The following HHIP variants were observed in gnomAD, a reference collection of about 807,000 sequenced individuals.
HHIP encodes hedgehog interacting protein.
Under a neutral mutation model 74.0 loss-of-function variants are expected in HHIP, and 12 were observed. The observed-to-expected ratio is 0.16, with a 90% confidence interval of 0.10 to 0.26. The LOEUF is 0.26. Ranked by LOEUF, HHIP falls within the 10% of genes least tolerant of loss-of-function variation. HHIP has a pLI of 1.00. For missense variants in HHIP, 788 were observed against 845.0 expected, an observed-to-expected ratio of 0.93 and a Z score of 0.84; for synonymous variants, 309 against 311.6, an observed-to-expected ratio of 0.99 and a Z score of 0.09.
chr4:144,658,908 C>A lies in HHIP; in HGVS notation c.591C>A (p.Asp197Glu). 6.2e-7 allele frequency: 1 copy of A among 1,612,968 alleles called. No individual in the cohort carries two copies. The highest frequency in any genetic ancestry group is 8.5e-7 in the Non-Finnish European group (1 of 1,179,258). ...QVRGPASNYL[D>E]QMEEYDKVEE... ...GAGGACCAGCATCTAACTACTTGGA[C>A]CAGATGGAAGAATATGACAAAGTGG... is the stretch of plus-strand genomic sequence containing the variant. Residue 197 changes from aspartate to glutamate, a missense_variant, in exon 3 of 13, where the codon GAC becomes GAA. Coordinates refer to ENST00000296575, the MANE Select transcript of HHIP (RefSeq NM_022475.3).
intron 4 of HHIP, chr4:144,660,088 A>G (rs1297163254): frequency 3.7e-6 from 2 of 535,170 alleles, no homozygotes; most frequent in African/African-American, 1.9e-5. Flanking sequence ...TAATTGACAC[A>G]TTTAAAGGAA....
In HHIP at chr4:144,652,794, C is replaced by A. The variant is rs959817151; in HGVS notation, c.469C>A (p.Pro157Thr). The change falls in exon 2 of 13, where the codon CCA becomes ACA. Residue 157 changes from proline (P) to threonine (T), a missense_variant. This residue lies in a region of HHIP where 373 missense variants were observed against 366.4 expected (regional missense o/e 1.02). Coordinates refer to ENST00000296575, the MANE Select transcript of HHIP (RefSeq NM_022475.3). Reference protein sequence around the residue: ...EFFYTCRGHIPGFLQTTADEF... With the variant: ...EFFYTCRGHITGFLQTTADEF... ...CTTTTACACTTGCCGAGGCCATATTCCAGGTAAGAAAAAAAAATGCATAAG... is the reference window on the plus strand; with the variant it reads ...CTTTTACACTTGCCGAGGCCATATTACAGGTAAGAAAAAAAAATGCATAAG... 5 of 1,564,898 alleles carry A rather than the reference C, an allele frequency of 3.2e-6. No homozygotes were observed. Among genetic ancestry groups the A allele is most frequent in the Admixed American group, 4.1e-5 (2 of 49,036 alleles).
chr4:144,647,241 A>G, intron 1 of HHIP: 1 of 363,170 alleles, frequency 2.8e-6, no homozygotes, highest in East Asian at 4.3e-5. Flanking sequence ...AATATTTTAA[A>G]AGAATCGCGA....
At chr4:144,669,661 C>G (rs1032262432) in intron 4 of HHIP, among the ~76,000 whole-genome samples, 1 of 152,082 alleles carries the variant, frequency 6.6e-6, no homozygotes, top group Non-Finnish European at 1.5e-5. Context: ...ATGATCTAAA[C>G]TAATTCCATC....
chr4:144,689,190 G>C (rs1729576984), intron 4 of HHIP, among the ~76,000 whole-genome samples: 1 of 152,166 alleles, frequency 6.6e-6, no homozygotes, highest in South Asian at 2.1e-4. Flanking sequence ...TTCAGAGTGT[G>C]TTCTTTATAA....
rs1730323558 is a variant in HHIP at position 144,712,142 on chromosome 4, G to T, written c.1423+71G>T. On this transcript the variant is annotated intron_variant, in intron 8 of 12. Coordinates refer to ENST00000296575, the MANE Select transcript of HHIP (RefSeq NM_022475.3). ...TCTTAGTATATTTAGTAATTGAAGA[G>T]AAAGGGATTTCTGAAAAATGAGCAT... is the stretch of plus-strand genomic sequence containing the variant. 9.6e-6 allele frequency: 13 copies of T among 1,350,590 alleles called. No individual in the cohort carries two copies. In the South Asian group the frequency reaches 1.7e-4, roughly 17 times the overall value. 83.7% of individuals were successfully genotyped at this position (1,350,590 alleles called of 1,614,324 possible).
Position 144,737,758 on chromosome 4 carries a change from T to G in HHIP, c.1910-6T>G. Reference sequence around the variant, plus strand: ...GTGTGATGTTCTTGCTCTTTTTCTCTCCCAGCAAAATGTGAGCCAGCATGT... The same window carrying G: ...GTGTGATGTTCTTGCTCTTTTTCTCGCCCAGCAAAATGTGAGCCAGCATGT... On this transcript the variant is annotated splice_region_variant and splice_polypyrimidine_tract_variant and intron_variant, in intron 12 of 12. Coordinates refer to ENST00000296575, the MANE Select transcript of HHIP (RefSeq NM_022475.3). The G allele has an allele frequency of 6.3e-7, 1 of 1,594,654 alleles. No individual in the cohort carries two copies. Among genetic ancestry groups the G allele is most frequent in the Non-Finnish European group, 8.6e-7 (1 of 1,168,434 alleles).
intron 1 of HHIP, 31 bp downstream of exon 1, chr4:144,646,985 C>T: frequency 6.4e-7 from 1 of 1,554,786 alleles, no homozygotes; most frequent in Non-Finnish European, 8.7e-7. Context: ...CGGATGCGTA[C>T]TTGGCATATT....
At chr4:144,648,168 G>A (rs983777550) in intron 1 of HHIP, 2 of 152,064 alleles carry the variant, frequency 1.3e-5, no homozygotes, top group Non-Finnish European at 2.9e-5. Context: ...ATGCAAATAG[G>A]AAAAAATCAA....
Position 144,743,684 on chromosome 4 carries a change from T to G in HHIP, c.*5727T>G, listed in dbSNP as rs980243812. ...TAAATGTTTGATGAGTTATCTCAAT[T>G]GACTATAATCTTCTAAGTCAAAAAG... On this transcript the variant is annotated 3_prime_UTR_variant, in exon 13 of 13. Coordinates refer to ENST00000296575, the MANE Select transcript of HHIP (RefSeq NM_022475.3). 1 of 152,104 alleles carries G rather than the reference T, an allele frequency of 6.6e-6. No homozygotes were observed. The highest frequency in any genetic ancestry group is 2.4e-5 in the African/African-American group (1 of 41,460). 9.4% of individuals were successfully genotyped at this position (152,104 alleles called of 1,614,324 possible). A position where few individuals can be genotyped will look rare whatever the true frequency, so the allele number is the denominator to read the frequency against.
intron 11 of HHIP, among the ~76,000 whole-genome samples, chr4:144,733,887 C>T (rs1023483016): frequency 6.6e-6 from 1 of 152,132 alleles, no homozygotes; most frequent in Admixed American, 6.6e-5. Flanking sequence ...TAAAAATCTT[C>T]TGAAGGCATC....
chr4:144,705,176 T>C (rs1730098881), intron 4 of HHIP, among the ~76,000 whole-genome samples: 1 of 152,188 alleles, frequency 6.6e-6, no homozygotes, highest in Non-Finnish European at 1.5e-5. Context: ...AACAGTTTTC[T>C]CTAAGCCAGG....
At position 144,734,234 on chromosome 4, in the gene HHIP, A is replaced by G. The variant is rs929652828; in HGVS notation, c.1761-507A>G. ...AATATAAAATTAAAACAAAAATAAAATTAAAAAAAAAAACAAAGATTCCAA... is the reference window on the plus strand; with the variant it reads ...AATATAAAATTAAAACAAAAATAAAGTTAAAAAAAAAAACAAAGATTCCAA... On this transcript the variant is annotated intron_variant, in intron 11 of 12. Coordinates refer to ENST00000296575, the MANE Select transcript of HHIP (RefSeq NM_022475.3). Among the ~76,000 whole-genome samples, 4 of 150,594 alleles carry G rather than the reference A, an allele frequency of 2.7e-5. No individual in the cohort carries two copies. In the Admixed American group the frequency reaches 2.7e-4, roughly 10 times the overall value.
At chr4:144,718,652 G>T (rs1419833449) in intron 10 of HHIP, among the ~76,000 whole-genome samples, 1 of 152,108 alleles carries the variant, frequency 6.6e-6, no homozygotes, top group Non-Finnish European at 1.5e-5. Context: ...AATAATATCT[G>T]CTTGCACTGG....
At position 144,714,414 on chromosome 4, in the gene HHIP, C is replaced by T; in HGVS notation, c.1547+66C>T. The stretch of plus-strand genomic sequence containing the variant: ...ACATATCCATTAATCATTTGGCAAA[C>T]TGCCACAAAATATTCAAATGATTGT... On this transcript the variant is annotated intron_variant, in intron 9 of 12. Transcript: ENST00000296575. 4.0e-6 allele frequency: 6 copies of T among 1,486,582 alleles called. No individual in the cohort carries two copies. The South Asian group carries it at 4.7e-5, about 12-fold the overall frequency. The allele number at this position is 1,486,582 out of a possible 1,614,324, so 92.1% of individuals were successfully genotyped here.
At chr4:144,694,849 A>G (rs1729769258) in intron 4 of HHIP, among the ~76,000 whole-genome samples, 1 of 151,910 alleles carries the variant, frequency 6.6e-6, no homozygotes, top group Non-Finnish European at 1.5e-5. Flanking sequence ...GAATGAAATA[A>G]TAAGTCCATT....
chr4:144,714,869 A>G (rs1730400935), intron 9 of HHIP: 1 of 158,378 alleles, frequency 6.3e-6, no homozygotes, highest in Non-Finnish European at 1.4e-5. Context: ...GACGAAATCC[A>G]AATTAAGAAT....
intron 4 of HHIP, among the ~76,000 whole-genome samples, chr4:144,680,771 G>C (rs560303911): frequency 3.3e-5 from 5 of 152,238 alleles, no homozygotes; most frequent in Non-Finnish European, 5.9e-5. Context: ...AGAGATTTAT[G>C]GTATTAGAAA....
At chr4:144,725,927 T>C (rs1730792224) in intron 11 of HHIP, among the ~76,000 whole-genome samples, 1 of 152,142 alleles carries the variant, frequency 6.6e-6, no homozygotes, top group South Asian at 2.1e-4. Context: ...TGGCTCGGCC[T>C]CCCAAAGTGC....
Sources: allele counts gnomAD v4.1 joint callset (sites outside exome capture counted in the v4.1 genomes callset), GRCh38; gene constraint gnomAD v4.1.1; regional missense constraint gnomAD v4.1.1; transcripts MANE v1.5; gene names NCBI Gene and HGNC (gene_info 2026-07-23, HGNC 2026-07-21).